The following SPIDR variants were observed in gnomAD, a reference collection of about 807,000 sequenced individuals.
SPIDR encodes the protein scaffold protein involved in DNA repair, also known as DNA repair-scaffolding protein.
SPIDR carries 93 observed loss-of-function variants against 104.6 expected under a neutral mutation model. The ratio of observed to expected loss-of-function variants is 0.89; its 90% CI spans 0.75 to 1.06. The LOEUF (loss-of-function observed/expected upper bound fraction) is 1.06, where lower values mean the gene tolerates loss of function less well. Among genes scored for constraint, SPIDR ranks in the 50% least tolerant of loss-of-function variants. SPIDR has a pLI of 0.00. For synonymous variants in SPIDR, 431 were observed against 416.9 expected (o/e 1.03, Z -0.41); for missense variants, 1,154 against 1,111.2 (o/e 1.04, Z -0.55).
chr8:47,262,345 G>C (rs1327426721), intron 1 of SPIDR, among the ~76,000 whole-genome samples: 1 of 151,720 alleles, frequency 6.6e-6, no homozygotes, highest in African/African-American at 2.4e-5. Flanking sequence ...ATTTTTTTTA[G>C]TAGTCGTACA....
chr8:47,295,274 GTGTCTATT>G (rs1448750081), intron 5 of SPIDR, among the ~76,000 whole-genome samples: 1 of 152,002 alleles, frequency 6.6e-6, no homozygotes. Context: ...TGTCATTTCT[GTGTCTATT>G]TGTCCTCCTT....
At chr8:47,695,542 T>G (rs2079210286) in intron 11 of SPIDR, among the ~76,000 whole-genome samples, 1 of 152,210 alleles carries the variant, frequency 6.6e-6, no homozygotes, top group South Asian at 2.1e-4. Context: ...TCAGGCAGTT[T>G]TAAATTGTCC....
At chr8:47,320,512 A>G (rs567390512) in intron 5 of SPIDR, among the ~76,000 whole-genome samples, 1 of 152,364 alleles carries the variant, frequency 6.6e-6, no homozygotes, top group Non-Finnish European at 1.5e-5. Flanking sequence ...GAATTCTACC[A>G]GAGGTACAAG....
At chr8:47,608,798 A>G (rs916172337) in intron 10 of SPIDR, among the ~76,000 whole-genome samples, 14 of 152,334 alleles carry the variant, frequency 9.2e-5, no homozygotes, top group South Asian at 2.1e-4. Context: ...ATCTCAGCTC[A>G]CTGCAACCTC....
At chr8:47,497,782 A>G (rs1454874131) in intron 8 of SPIDR, among the ~76,000 whole-genome samples, 1 of 152,216 alleles carries the variant, frequency 6.6e-6, no homozygotes, top group Non-Finnish European at 1.5e-5. Flanking sequence ...ATGTAAATAT[A>G]GTGTTTTAGA....
At chr8:47,672,107 G>A (rs1417078837) in intron 10 of SPIDR, among the ~76,000 whole-genome samples, 1 of 152,046 alleles carries the variant, frequency 6.6e-6, no homozygotes, top group Non-Finnish European at 1.5e-5. Context: ...ATGGGCGTTC[G>A]CCATCATACC....
At chr8:47,621,180 C>T (rs554947417) in intron 10 of SPIDR, among the ~76,000 whole-genome samples, 1 of 152,272 alleles carries the variant, frequency 6.6e-6, no homozygotes, top group African/African-American at 2.4e-5. Flanking sequence ...TGGTCTCGAT[C>T]TCCTGACCTT....
At chr8:47,615,624 A>G (rs2064199334) in intron 10 of SPIDR, among the ~76,000 whole-genome samples, 2 of 151,656 alleles carry the variant, frequency 1.3e-5, no homozygotes, top group African/African-American at 4.8e-5. Context: ...AGGTGCACAC[A>G]CTGTAATGGA....
At chr8:47,288,983 C>T (rs1457987811) in intron 3 of SPIDR, among the ~76,000 whole-genome samples, 3 of 152,108 alleles carry the variant, frequency 2.0e-5, no homozygotes, top group African/African-American at 7.2e-5. Flanking sequence ...TTCCAGACCA[C>T]ACATATTCCT....
At chr8:47,598,748 G>A (rs1564436150) in intron 9 of SPIDR, among the ~76,000 whole-genome samples, 198 bp from the exon 10 acceptor site, 1 of 152,168 alleles carries the variant, frequency 6.6e-6, no homozygotes, top group Non-Finnish European at 1.5e-5. Flanking sequence ...TCAGCTTGCA[G>A]TCTTAGCCAC....
At position 47,649,916 on chromosome 8, in the gene SPIDR, T is replaced by C. The variant is rs575631667; in HGVS notation, c.1545-23885T>C. Among the ~76,000 whole-genome samples the C allele has an allele frequency of 2.0e-5, 3 of 152,312 alleles. No homozygotes were observed. The South Asian group carries it at 6.2e-4, about 32-fold the overall frequency. ...TTCAATAAAATCCAGCATCCCTTTATGATAAAAACTCTCCACAAACCTGGC... is the reference window on the plus strand; with the variant it reads ...TTCAATAAAATCCAGCATCCCTTTACGATAAAAACTCTCCACAAACCTGGC... On this transcript the variant is annotated intron_variant, in intron 10 of 19. Transcript: ENST00000297423.
In SPIDR at chr8:47,293,847, T is replaced by C; in HGVS notation, c.362-20T>C. On this transcript the variant is annotated intron_variant, in intron 4 of 19. Transcript: ENST00000297423. ...AAGATTAAGGAGATAATTAAGCAAG[T>C]TAAAAATTATATTTTTTAGATGAAT... The C allele has an allele frequency of 2.7e-5, 43 of 1,590,680 alleles. No homozygotes were observed. Among genetic ancestry groups the C allele is most frequent in the Non-Finnish European group, 3.7e-5 (43 of 1,164,598 alleles).
At chr8:47,517,198 C>G (rs1156295903) in intron 8 of SPIDR, among the ~76,000 whole-genome samples, 9 of 152,116 alleles carry the variant, frequency 5.9e-5, no homozygotes, top group Non-Finnish European at 1.0e-4. Flanking sequence ...GTTGGCCAGG[C>G]TAGTCTTGAA....
intron 5 of SPIDR, among the ~76,000 whole-genome samples, chr8:47,298,189 T>C (rs2041271244): frequency 6.6e-6 from 1 of 152,250 alleles, no homozygotes; most frequent in Non-Finnish European, 1.5e-5. Flanking sequence ...GGTTTTGATT[T>C]GCATTTCTCT....
At chr8:47,387,813 G>A (rs527685524) in intron 5 of SPIDR, among the ~76,000 whole-genome samples, 4 of 152,276 alleles carry the variant, frequency 2.6e-5, no homozygotes, top group East Asian at 1.9e-4. Flanking sequence ...TCTTCTCAAC[G>A]TGTCTTCCAA....
intron 8 of SPIDR, among the ~76,000 whole-genome samples, chr8:47,503,839 A>G (rs961894951): frequency 5.9e-5 from 9 of 152,276 alleles, no homozygotes; most frequent in East Asian, 3.9e-4. Context: ...GGTGGTGACA[A>G]AATCTCTCAG....
chr8:47,653,859 CA>C (rs561508290), intron 10 of SPIDR: 5,453 of 442,588 alleles, frequency 0.012, 33 homozygotes, highest in Non-Finnish European at 0.014. Context: ...AACTAAAAGA[CA>C]AAAAAAAAAC....
intron 10 of SPIDR, among the ~76,000 whole-genome samples, chr8:47,668,617 C>T (rs1332846753): frequency 6.6e-6 from 1 of 151,766 alleles, no homozygotes; most frequent in Admixed American, 6.6e-5. Context: ...AAAGCTGGAA[C>T]AAAATAAGGA....
chr8:47,375,066 A>C (rs938849779), intron 5 of SPIDR, among the ~76,000 whole-genome samples: 23 of 151,704 alleles, frequency 1.5e-4, no homozygotes, highest in Non-Finnish European at 2.4e-4. Flanking sequence ...CTCTTCCCCC[A>C]AAAAACCCCA....
Sources: gnomAD v4.1 joint callset for allele counts (sites outside exome capture counted in the v4.1 genomes callset) on GRCh38, gnomAD v4.1.1 for gene constraint, MANE v1.5 for transcripts, NCBI Gene and HGNC (gene_info 2026-07-23, HGNC 2026-07-21) for gene names.